SURF2: variants seen among roughly 807,000 people sequenced by gnomAD.
SURF2 encodes surfeit locus protein 2.
SURF2 carries 32 observed loss-of-function variants against 26.2 expected under a neutral mutation model. The ratio of observed to expected loss-of-function variants is 1.22; its 90% confidence interval spans 0.92 to 1.64. The LOEUF (loss-of-function observed/expected upper bound fraction) is 1.64, where lower values mean the gene tolerates loss of function less well. SURF2 is among the 40% of genes most tolerant of loss of function. The probability of loss-of-function intolerance (pLI) is 0.00; values close to 1 mark genes in which losing one functional copy is unlikely to be tolerated. For missense variants in SURF2, 415 were observed against 341.6 expected, an observed-to-expected ratio of 1.21 and a Z score of -1.69; for synonymous variants, 173 against 139.1, an observed-to-expected ratio of 1.24 and a Z score of -1.71.
Position 133,359,958 on chromosome 9 carries a change from T to C in SURF2, c.346T>C (p.Cys116Arg). 1.2e-6 allele frequency: 2 copies of C among 1,609,896 alleles called. No individual in the cohort carries two copies. The highest frequency in any genetic ancestry group is 1.7e-6 in the Non-Finnish European group (2 of 1,177,592). Residue 116 changes from cysteine to arginine, a missense_variant, in exon 4 of 6, where the codon TGT (cysteine) becomes CGT (arginine). Transcript: ENST00000371964. Reference sequence around the variant, plus strand: ...GCTGGCTTATCTCCCAGATGAAGAATGTCAGAAGCAAGGGGTGGAGTACGT... The same window carrying C: ...GCTGGCTTATCTCCCAGATGAAGAACGTCAGAAGCAAGGGGTGGAGTACGT... ...YQRALCKYEECQKQGVEYVPA... is the reference protein window; with the variant it reads ...YQRALCKYEERQKQGVEYVPA...
chr9:133,358,479 G>A (rs1836670366), intron 3 of SURF2, among the ~76,000 whole-genome samples: 1 of 152,146 alleles, frequency 6.6e-6, no homozygotes, highest in Non-Finnish European at 1.5e-5. Flanking sequence ...GTGTGTATTA[G>A]GGAAGTATCG....
intron 3 of SURF2, among the ~76,000 whole-genome samples, chr9:133,358,979 C>T (rs1039414673): frequency 2.9e-4 from 44 of 152,170 alleles, no homozygotes; most frequent in Non-Finnish European, 1.2e-4. Flanking sequence ...AAGTAGAAGG[C>T]GGGCACCTTG....
intron 1 of SURF2, 26 bp from the exon 2 acceptor site, chr9:133,356,888 C>A: frequency 6.5e-7 from 1 of 1,531,756 alleles, no homozygotes. Flanking sequence ...GCCCTCCTGA[C>A]GTCCTGCCCG....
At chr9:133,359,646 T>C (rs1836699951) in intron 3 of SURF2, among the ~76,000 whole-genome samples, 1 of 152,248 alleles carries the variant, frequency 6.6e-6, no homozygotes, top group Non-Finnish European at 1.5e-5. Context: ...TGGGGCACAG[T>C]TGGCCTTGGG....
At position 133,360,019 on chromosome 9, in the gene SURF2, A is replaced by G. The variant is rs1423158619; in HGVS notation, c.407A>G (p.Glu136Gly). The change falls in exon 4 of 6, where the codon GAG becomes GGG. Residue 136 changes from glutamate (E) to glycine (G), a missense_variant. Physicochemically the swap from Glu to Gly is moderately conservative, Grantham distance 98. Coordinates refer to ENST00000371964, the MANE Select transcript of SURF2 (RefSeq NM_017503.5). Reference sequence around the variant, plus strand: ...CTGGTGCACCGGAGGAGGAGGAGGGAGGACCAGATGGACGGTGACGGGCCT... The same window carrying G: ...CTGGTGCACCGGAGGAGGAGGAGGGGGGACCAGATGGACGGTGACGGGCCT... ...ACLVHRRRRR[E>G]DQMDGDGPRP... 3 of 1,613,940 alleles carry G rather than the reference A, an allele frequency of 1.9e-6. No homozygotes were observed. Among genetic ancestry groups the G allele is most frequent in the South Asian group, 1.1e-5 (1 of 91,070 alleles).
At chr9:133,357,315 C>T (rs1836633441) in intron 2 of SURF2, 2 of 520,734 alleles carry the variant, frequency 3.8e-6, no homozygotes, top group South Asian at 3.1e-5. Flanking sequence ...GATTTGTCAC[C>T]TGAGGTTGTG....
intron 4 of SURF2, 42 bp from the exon 5 acceptor site, chr9:133,360,223 C>T (rs2130048978): frequency 6.2e-7 from 1 of 1,603,660 alleles, no homozygotes; most frequent in South Asian, 1.1e-5. Context: ...GCAGCGAACT[C>T]AGCCTAAAAT....
chr9:133,360,174 C>T, intron 4 of SURF2, 45 bp downstream of exon 4: 1 of 1,590,378 alleles, frequency 6.3e-7, no homozygotes, highest in Non-Finnish European at 8.6e-7. Context: ...CTACTGTCAG[C>T]AGGGAGCAGA....
Position 133,360,094 on chromosome 9 carries a change from C to G in SURF2, c.482C>G (p.Ala161Gly). 1.9e-6 allele frequency: 3 copies of G among 1,613,208 alleles called. No homozygotes were observed. Among genetic ancestry groups the G allele is most frequent in the African/African-American group, 1.3e-5 (1 of 75,044 alleles). The change falls in exon 4 of 6, where the codon GCT becomes GGT. Residue 161 changes from alanine (A) to glycine (G), a missense_variant. Coordinates refer to ENST00000371964, the MANE Select transcript of SURF2 (RefSeq NM_017503.5). The stretch of plus-strand genomic sequence containing the variant: ...CCCACATCCAGTGATGAGGGGGGAG[C>G]TGCAAGTGATGACAGCATGACAGAC... ...WEPTSSDEGGAASDDSMTDLY... is the reference protein window; with the variant it reads ...WEPTSSDEGGGASDDSMTDLY...
In SURF2 at chr9:133,356,626, C is replaced by A. The variant is rs2130028905; in HGVS notation, c.34C>A (p.Leu12Met). 1.3e-6 allele frequency: 2 copies of A among 1,526,440 alleles called. No homozygotes were observed. The highest frequency in any genetic ancestry group is 1.7e-6 in the Non-Finnish European group (2 of 1,143,830). The allele number at this position is 1,526,440 out of a possible 1,614,324, so 94.6% of individuals were successfully genotyped here. A position where few individuals can be genotyped will look rare whatever the true frequency, so the allele number is the denominator to read the frequency against. ...GTTGCCGGGCGACGTGCGGGCGTTT[C>A]TGCGGGAGCACCCGAGCCTGCGGCT... Reference protein sequence around the residue: ...SELPGDVRAFLREHPSLRLQT... With the variant: ...SELPGDVRAFMREHPSLRLQT... The change falls in exon 1 of 6, where the codon CTG becomes ATG. Residue 12 changes from leucine (L) to methionine (M), a missense_variant. Leu to Met is a conservative substitution (Grantham distance 15). Transcript: ENST00000371964.
chr9:133,357,935 G>A, intron 3 of SURF2, 121 bp downstream of exon 3: 3 of 921,350 alleles, frequency 3.3e-6, no homozygotes, highest in Non-Finnish European at 5.0e-6. Context: ...CATCAGGCCT[G>A]TTTTTTGGCA....
intron 3 of SURF2, 97 bp downstream of exon 3, chr9:133,357,911 G>A (rs1275897287): frequency 4.5e-6 from 5 of 1,118,536 alleles, no homozygotes; most frequent in South Asian, 2.8e-5. Context: ...GTCCTTCAGC[G>A]ATCCGTGTTG....
chr9:133,356,756 GCAGGGGA>G (rs1836608873), intron 1 of SURF2, 86 bp downstream of exon 1: 4 of 1,417,038 alleles, frequency 2.8e-6, no homozygotes, highest in Non-Finnish European at 3.7e-6. Context: ...AGAGGAGAGG[GCAGGGGA>G]GAGGGGAGAG....
chr9:133,357,175 G>A, intron 2 of SURF2, 107 bp downstream of exon 2: 1 of 1,354,090 alleles, frequency 7.4e-7, no homozygotes, highest in East Asian at 2.9e-5. Flanking sequence ...GGGAGCCCTG[G>A]GACCCAGGTG....
chr9:133,357,381 C>G, intron 2 of SURF2: 1 of 529,766 alleles, frequency 1.9e-6, no homozygotes, highest in Non-Finnish European at 3.3e-6. Context: ...TAGCTGGGAG[C>G]TAGGCTTTGT....
intron 3 of SURF2, 42 bp from the exon 4 acceptor site, chr9:133,359,908 G>T (rs1445890696): frequency 1.3e-6 from 2 of 1,565,172 alleles, no homozygotes; most frequent in South Asian, 1.2e-5. Flanking sequence ...GAGGACCGTG[G>T]GGGGTGTGGA....
intron 3 of SURF2, among the ~76,000 whole-genome samples, chr9:133,359,346 C>T (rs1836689033): frequency 6.6e-6 from 1 of 152,188 alleles, no homozygotes; most frequent in Non-Finnish European, 1.5e-5. Context: ...TCATGCAGCC[C>T]ATGAGGGATG....
Position 133,360,413 on chromosome 9 carries a change from G to A in SURF2, c.666G>A (p.Gly222=). ...GGAGAGAGACGACCGTGTACCGAGGGCTGGTCCAGAAGCGCGGGAAGGTGA... is the reference window on the plus strand; with the variant it reads ...GGAGAGAGACGACCGTGTACCGAGGACTGGTCCAGAAGCGCGGGAAGGTGA... ...EGRRETTVYR[G]LVQKRGKKQL... The change falls in exon 5 of 6, where the codon GGG becomes GGA. Residue 222 remains glycine (G), a synonymous_variant. Transcript: ENST00000371964. 6.2e-7 allele frequency: 1 copy of A among 1,611,334 alleles called. No individual in the cohort carries two copies. The highest frequency in any genetic ancestry group is 8.5e-7 in the Non-Finnish European group (1 of 1,179,758).
intron 1 of SURF2, 26 bp from the exon 2 acceptor site, chr9:133,356,888 C>G: frequency 6.5e-7 from 1 of 1,531,756 alleles, no homozygotes; most frequent in Non-Finnish European, 8.8e-7. Flanking sequence ...GCCCTCCTGA[C>G]GTCCTGCCCG....
Sources: gnomAD v4.1 joint callset for allele counts (sites outside exome capture counted in the v4.1 genomes callset) on GRCh38, gnomAD v4.1.1 for gene constraint, MANE v1.5 for transcripts, NCBI Gene and HGNC (gene_info 2026-07-23, HGNC 2026-07-21) for gene names.